The following LGR5 variants were observed in gnomAD, a reference collection of about 807,000 sequenced individuals.
The protein encoded by LGR5 is leucine-rich repeat-containing G protein-coupled receptor 5.
LGR5 carries 54 observed loss-of-function variants against 76.7 expected under a neutral mutation model. That is an observed-to-expected ratio of 0.70 (90% confidence interval 0.57 to 0.88). The LOEUF is 0.88. LGR5 is among the 40% of genes least tolerant of loss of function. The probability of loss-of-function intolerance (pLI) is 0.00; values close to 1 mark genes in which losing one functional copy is unlikely to be tolerated. For synonymous variants in LGR5, 406 were observed against 421.9 expected, an observed-to-expected ratio of 0.96 and a Z score of 0.46; for missense variants, 1,078 against 1,073.3, an observed-to-expected ratio of 1.00 and a Z score of -0.06.
chr12:71,569,506 G>A (rs1042541242), intron 11 of LGR5, among the ~76,000 whole-genome samples: 6 of 44,888 alleles, frequency 1.3e-4, no homozygotes, highest in Non-Finnish European at 3.3e-4. Context: ...GATATGAACA[G>A]ACACTTCTCA....
At chr12:71,562,546 T>C (rs1258967509) in intron 8 of LGR5, among the ~76,000 whole-genome samples, 1 of 152,196 alleles carries the variant, frequency 6.6e-6, no homozygotes, top group Non-Finnish European at 1.5e-5. Context: ...CCGAAGTCTA[T>C]CATGGGCAAC....
At chr12:71,553,527 C>T (rs772917234) in intron 5 of LGR5, among the ~76,000 whole-genome samples, 13 of 152,156 alleles carry the variant, frequency 8.5e-5, no homozygotes, top group Non-Finnish European at 1.9e-4. Flanking sequence ...GAAATATGAC[C>T]TGTGCCTTAG....
chr12:71,554,989 A>G (rs986825598), intron 5 of LGR5, among the ~76,000 whole-genome samples: 2 of 152,128 alleles, frequency 1.3e-5, no homozygotes, highest in African/African-American at 2.4e-5. Flanking sequence ...GCTCTCTTCA[A>G]TCATTCCACT....
chr12:71,450,770 G>A (rs4350442), intron 1 of LGR5, among the ~76,000 whole-genome samples: 152,272 of 152,314 alleles, frequency 1, 76,115 homozygotes, highest in Middle Eastern at 1. Flanking sequence ...TTTCCTGGAT[G>A]ACTGTAGCAG....
intron 4 of LGR5, among the ~76,000 whole-genome samples, chr12:71,544,568 T>G (rs1015471926): frequency 6.2e-5 from 9 of 146,164 alleles, no homozygotes; most frequent in African/African-American, 1.7e-4. Context: ...ACAACAAAAG[T>G]GACCCTGGTG....
At chr12:71,532,392 A>G (rs567921243) in intron 3 of LGR5, among the ~76,000 whole-genome samples, 6 of 152,270 alleles carry the variant, frequency 3.9e-5, no homozygotes, top group Non-Finnish European at 5.9e-5. Flanking sequence ...CCTAAAACTC[A>G]CCTTTATTCC....
intron 4 of LGR5, among the ~76,000 whole-genome samples, chr12:71,540,545 C>G (rs1266049305): frequency 2.0e-5 from 3 of 152,132 alleles, no homozygotes; most frequent in Non-Finnish European, 4.4e-5. Context: ...GGCTATAGAA[C>G]CCACCCCTGG....
chr12:71,560,551 G>A (rs541411504), intron 7 of LGR5, among the ~76,000 whole-genome samples: 3 of 152,286 alleles, frequency 2.0e-5, no homozygotes, highest in South Asian at 4.2e-4. Context: ...CCGTGCTTTG[G>A]GAGGCCGAGG....
chr12:71,474,458 C>A lies in LGR5; in HGVS notation c.213-30156C>A, dbSNP rs150841739. On this transcript the variant is annotated intron_variant, in intron 1 of 17. Coordinates refer to ENST00000266674, the MANE Select transcript of LGR5 (RefSeq NM_003667.4). The stretch of plus-strand genomic sequence containing the variant: ...CCTATACCAATTTTTAACATTGAAA[C>A]TGTCTTGGCACTTTAAAGGATAAGC... 1.6e-3 allele frequency among the ~76,000 whole-genome samples: 251 copies of A among 152,290 alleles called. 3 individuals carry two copies. The East Asian group carries it at 0.025, about 15-fold the overall frequency.
In LGR5 at chr12:71,543,098, T is replaced by G. The variant is rs576453993; in HGVS notation, c.428+7912T>G. Among the ~76,000 whole-genome samples, 13 of 152,278 alleles carry G rather than the reference T, an allele frequency of 8.5e-5. No individual in the cohort carries two copies. In the East Asian group the frequency reaches 2.5e-3, roughly 29 times the overall value. ...CAGACTGAACTGAAACCTCAAACTC[T>G]TAAGTGTTGATCTAGACAGCTGCTC... On this transcript the variant is annotated intron_variant, in intron 4 of 17. Transcript: ENST00000266674.
intron 1 of LGR5, among the ~76,000 whole-genome samples, chr12:71,459,449 C>T (rs1387597121): frequency 1.3e-5 from 2 of 152,100 alleles, no homozygotes; most frequent in African/African-American, 4.8e-5. Context: ...CCCCACTCCC[C>T]ACTGGAAGTA....
chr12:71,505,267 A>G (rs1326449716), intron 2 of LGR5, among the ~76,000 whole-genome samples: 1 of 152,242 alleles, frequency 6.6e-6, no homozygotes, highest in Non-Finnish European at 1.5e-5. Context: ...AAACTAAAAA[A>G]GGAGGAAGCT....
intron 1 of LGR5, among the ~76,000 whole-genome samples, chr12:71,461,887 C>T (rs1872699418): frequency 2.0e-5 from 3 of 152,140 alleles, no homozygotes; most frequent in Admixed American, 1.3e-4. Flanking sequence ...CCCCTTGTCC[C>T]ATCTGAAGTG....
chr12:71,515,152 A>C (rs1875374989), intron 2 of LGR5, among the ~76,000 whole-genome samples: 1 of 152,222 alleles, frequency 6.6e-6, no homozygotes, highest in African/African-American at 2.4e-5. Context: ...TCTTACTATA[A>C]GTTTCATCAT....
intron 5 of LGR5, among the ~76,000 whole-genome samples, chr12:71,554,075 C>G (rs1329593493): frequency 1.3e-5 from 2 of 151,984 alleles, no homozygotes; most frequent in African/African-American, 4.8e-5. Context: ...GAGTGAGACT[C>G]TGTCTCAAAA....
chr12:71,577,802 A>G (rs1878923014), intron 13 of LGR5, 123 bp from the exon 14 acceptor site: 1 of 636,320 alleles, frequency 1.6e-6, no homozygotes, highest in African/African-American at 1.8e-5. Context: ...CAGTTTGATA[A>G]GTTAATTGTT....
At chr12:71,495,963 G>T (rs1432860489) in intron 1 of LGR5, among the ~76,000 whole-genome samples, 1 of 152,074 alleles carries the variant, frequency 6.6e-6, no homozygotes, top group Non-Finnish European at 1.5e-5. Context: ...GCAAAAAAAG[G>T]GTATCCTGAT....
intron 1 of LGR5, among the ~76,000 whole-genome samples, chr12:71,487,170 A>G (rs989837059): frequency 6.6e-6 from 1 of 152,214 alleles, no homozygotes; most frequent in Non-Finnish European, 1.5e-5. Flanking sequence ...TCATCTCTAC[A>G]TTTGTACATT....
At chr12:71,548,301 C>CTG (rs10629001) in intron 4 of LGR5, among the ~76,000 whole-genome samples, 6,807 of 104,084 alleles carry the variant, frequency 0.065, 499 homozygotes, top group African/African-American at 0.18. Flanking sequence ...CCTTGTTGCA[C>CTG]TGTGTGTGTG....
Sources: allele counts gnomAD v4.1 joint callset (sites outside exome capture counted in the v4.1 genomes callset), GRCh38; gene constraint gnomAD v4.1.1; transcripts MANE v1.5; gene names NCBI Gene and HGNC (gene_info 2026-07-23, HGNC 2026-07-21).